The following HSD17B2 variants were observed in gnomAD, a reference collection of about 807,000 sequenced individuals.
The protein encoded by HSD17B2 is 17-beta-hydroxysteroid dehydrogenase type 2.
A neutral mutation model predicts 26.9 loss-of-function variants in HSD17B2; 32 were observed. The ratio of observed to expected loss-of-function variants is 1.19; its 90% CI spans 0.90 to 1.60. HSD17B2 has a LOEUF of 1.60. HSD17B2 is among the 40% of genes most tolerant of loss of function. HSD17B2 has a pLI of 0.00. For synonymous variants in HSD17B2, 246 were observed against 186.7 expected, an observed-to-expected ratio of 1.32 and a Z score of -2.59; for missense variants, 613 against 468.6, an observed-to-expected ratio of 1.31 and a Z score of -2.85.
Position 82,098,177 on chromosome 16 carries a change from C to T in HSD17B2, c.905C>T (p.Ala302Val). 6.2e-7 allele frequency: 1 copy of T among 1,614,130 alleles called. No individual in the cohort carries two copies. Among genetic ancestry groups the T allele is most frequent in the Non-Finnish European group, 8.5e-7 (1 of 1,179,996 alleles). Residue 302 changes from alanine (A) to valine (V), a missense_variant, in exon 5 of 5, where the codon GCA becomes GTA. By Grantham distance (64) the Ala-to-Val change is moderately conservative. Coordinates refer to ENST00000199936, the MANE Select transcript of HSD17B2 (RefSeq NM_002153.3). ...QEDYGQDYIL[A>V]QRNFLLLINS... The stretch of plus-strand genomic sequence containing the variant: ...GACTACGGCCAGGACTACATCTTAG[C>T]ACAGCGGAATTTCCTCCTATTGATC...
chr16:82,050,260 C>T (rs1914066978), intron 1 of HSD17B2, among the ~76,000 whole-genome samples: 1 of 152,098 alleles, frequency 6.6e-6, no homozygotes, highest in South Asian at 2.1e-4. Context: ...TGGTGAGCTG[C>T]ACTACCCAGC....
chr16:82,035,374 C>A lies in HSD17B2; in HGVS notation c.-51C>A. On this transcript the variant is annotated 5_prime_UTR_variant, in exon 1 of 5. Transcript: ENST00000199936. ...CAGGCTGCCTCCAGCCAGCCTTTGCCCGCTAGACTCACTGGCCCTGAGCAC... is the reference window on the plus strand; with the variant it reads ...CAGGCTGCCTCCAGCCAGCCTTTGCACGCTAGACTCACTGGCCCTGAGCAC... 6.4e-7 allele frequency: 1 copy of A among 1,567,164 alleles called. No individual in the cohort carries two copies. The highest frequency in any genetic ancestry group is 8.7e-7 in the Non-Finnish European group (1 of 1,153,462).
intron 1 of HSD17B2, among the ~76,000 whole-genome samples, chr16:82,045,531 T>A (rs1409815673): frequency 1.3e-5 from 2 of 152,238 alleles, no homozygotes; most frequent in Non-Finnish European, 1.5e-5. Flanking sequence ...CTATTTTCTA[T>A]CTTTTCCAGT....
At position 82,094,636 on chromosome 16, in the gene HSD17B2, G is replaced by C. The variant is rs556153770; in HGVS notation, c.803-3439G>C. ...GCAGAAGGCTGAGAACTCATGTTTG[G>C]AGAATGACACTTCATACTTATATTT... is the stretch of plus-strand genomic sequence containing the variant. On this transcript the variant is annotated intron_variant, in intron 4 of 4. Transcript: ENST00000199936. 4 of 152,322 alleles carry C rather than the reference G, an allele frequency of 2.6e-5. No homozygotes were observed. In the East Asian group the frequency reaches 7.7e-4, roughly 29 times the overall value. 9.4% of individuals were successfully genotyped at this position (152,322 alleles called of 1,614,324 possible).
chr16:82,063,839 C>T (rs1435267667), intron 1 of HSD17B2, among the ~76,000 whole-genome samples: 1 of 152,126 alleles, frequency 6.6e-6, no homozygotes, highest in East Asian at 1.9e-4. Flanking sequence ...AGAGACTCTA[C>T]ACCAAAGTTA....
intron 3 of HSD17B2, among the ~76,000 whole-genome samples, chr16:82,076,829 C>G (rs1274331323): frequency 6.6e-6 from 1 of 152,188 alleles, no homozygotes; most frequent in African/African-American, 2.4e-5. Context: ...TTGCCTGCCT[C>G]AGCCTCCCAA....
At chr16:82,043,897 T>C (rs1310650376) in intron 1 of HSD17B2, among the ~76,000 whole-genome samples, 1 of 152,188 alleles carries the variant, frequency 6.6e-6, no homozygotes, top group Non-Finnish European at 1.5e-5. Flanking sequence ...TTCCTTATAA[T>C]GAGCGAACTA....
intron 1 of HSD17B2, among the ~76,000 whole-genome samples, chr16:82,055,789 T>C (rs368351338): frequency 6.6e-6 from 1 of 152,108 alleles, no homozygotes; most frequent in Admixed American, 6.5e-5. Context: ...AACCATGCAA[T>C]AGAAGCGTGG....
chr16:82,098,039 C>T (rs369504406), intron 4 of HSD17B2, 36 bp from the exon 5 acceptor site: 6 of 1,578,522 alleles, frequency 3.8e-6, no homozygotes, highest in Non-Finnish European at 4.3e-6. Context: ...CCTTGGCCTT[C>T]CCAGGATCTG....
chr16:82,066,329 C>A (rs931266972), intron 1 of HSD17B2, among the ~76,000 whole-genome samples: 7 of 152,128 alleles, frequency 4.6e-5, no homozygotes, highest in Admixed American at 4.6e-4. Context: ...GTGATGGCAA[C>A]CAGAGGCGTT....
chr16:82,053,410 CT>C (rs1452415790), intron 1 of HSD17B2, among the ~76,000 whole-genome samples: 1 of 152,056 alleles, frequency 6.6e-6, no homozygotes, highest in Non-Finnish European at 1.5e-5. Context: ...ATTTTTCATT[CT>C]CCCGAGTTTT....
chr16:82,071,582 G>C (rs755954821), intron 3 of HSD17B2: 2 of 295,816 alleles, frequency 6.8e-6, no homozygotes, highest in Non-Finnish European at 6.5e-6. Context: ...TTAACCCGAA[G>C]ATTGTCCCCA....
At chr16:82,086,571 G>T (rs575648352) in intron 3 of HSD17B2, among the ~76,000 whole-genome samples, 8 of 152,160 alleles carry the variant, frequency 5.3e-5, no homozygotes, top group South Asian at 2.1e-4. Flanking sequence ...TGACTGAATA[G>T]TTCACAGAGG....
chr16:82,056,511 C>G (rs1597125510), intron 1 of HSD17B2: 1 of 152,164 alleles, frequency 6.6e-6, no homozygotes, highest in Middle Eastern at 3.4e-3. Context: ...AAACAAAAAT[C>G]AGGTAAAACG....
At chr16:82,069,182 G>A (rs1047789687) in intron 2 of HSD17B2, among the ~76,000 whole-genome samples, 1 of 152,152 alleles carries the variant, frequency 6.6e-6, no homozygotes, top group African/African-American at 2.4e-5. Context: ...TTCTGTTCCT[G>A]CTTTAGTTTG....
intron 3 of HSD17B2, among the ~76,000 whole-genome samples, chr16:82,073,495 C>T (rs1597133047): frequency 6.6e-6 from 1 of 152,062 alleles, no homozygotes; most frequent in East Asian, 1.9e-4. Flanking sequence ...AAGTTCTGGG[C>T]ATATCTCACT....
At chr16:82,075,959 C>T (rs566833619) in intron 3 of HSD17B2, among the ~76,000 whole-genome samples, 79 of 145,964 alleles carry the variant, frequency 5.4e-4, no homozygotes, top group African/African-American at 1.9e-3. Context: ...ACCTCATGAA[C>T]GTTGATGTAA....
At chr16:82,038,191 A>C (rs1003075264) in intron 1 of HSD17B2, among the ~76,000 whole-genome samples, 2 of 152,164 alleles carry the variant, frequency 1.3e-5, no homozygotes, top group African/African-American at 4.8e-5. Context: ...CATTTTGCTA[A>C]GATGTTCAAA....
At chr16:82,083,308 A>G (rs897151064) in intron 3 of HSD17B2, among the ~76,000 whole-genome samples, 7 of 152,100 alleles carry the variant, frequency 4.6e-5, no homozygotes, top group African/African-American at 1.4e-4. Context: ...AGAAAGGAAC[A>G]TGAAAGGGAA....
Sources: allele counts gnomAD v4.1 joint callset (sites outside exome capture counted in the v4.1 genomes callset), GRCh38; gene constraint gnomAD v4.1.1; transcripts MANE v1.5; gene names NCBI Gene and HGNC (gene_info 2026-07-23, HGNC 2026-07-21).